ARHGEF38: variants seen among roughly 807,000 people sequenced by gnomAD.
The protein encoded by ARHGEF38 is Rho guanine nucleotide exchange factor 38, also known as Rho guanine nucleotide exchange factor (GEF) 38.
A neutral mutation model predicts 79.9 loss-of-function variants in ARHGEF38; 79 were observed. The observed-to-expected ratio is 0.99, with a 90% CI of 0.82 to 1.19. The LOEUF (loss-of-function observed/expected upper bound fraction) is 1.19. Ranked by LOEUF, ARHGEF38 falls within the 50% of genes most tolerant of loss-of-function variation. ARHGEF38 has a pLI of 0.00. For synonymous variants in ARHGEF38, 366 were observed against 328.3 expected (o/e 1.11, Z -1.24); for missense variants, 962 against 907.2 (o/e 1.06, Z -0.78).
At chr4:105,669,389 G>A (rs894488691) in intron 13 of ARHGEF38, among the ~76,000 whole-genome samples, 1 of 152,144 alleles carries the variant, frequency 6.6e-6, no homozygotes, top group Admixed American at 6.5e-5. Flanking sequence ...GAAGGGGCTT[G>A]TCCATCTATT....
At chr4:105,668,162 C>T (rs1730823183) in intron 13 of ARHGEF38, among the ~76,000 whole-genome samples, 1 of 151,854 alleles carries the variant, frequency 6.6e-6, no homozygotes, top group African/African-American at 2.4e-5. Flanking sequence ...ATACCACACA[C>T]TATATATGGA....
chr4:105,613,903 T>G (rs1728407693), intron 3 of ARHGEF38, among the ~76,000 whole-genome samples: 1 of 152,154 alleles, frequency 6.6e-6, no homozygotes. Flanking sequence ...ATCAATTTTT[T>G]TAGATTATAA....
chr4:105,675,700 A>G (rs1368991683), intron 13 of ARHGEF38, among the ~76,000 whole-genome samples: 1 of 152,164 alleles, frequency 6.6e-6, no homozygotes, highest in Non-Finnish European at 1.5e-5. Context: ...AACAACAGAA[A>G]TTTATTTCTC....
chr4:105,620,535 T>C (rs1187702967), intron 3 of ARHGEF38, among the ~76,000 whole-genome samples: 1 of 152,214 alleles, frequency 6.6e-6, no homozygotes, highest in African/African-American at 2.4e-5. Flanking sequence ...TTAAAATGCC[T>C]GATTTTTTCT....
At position 105,677,404 on chromosome 4, in the gene ARHGEF38, G is replaced by A. The variant is rs543094611; in HGVS notation, c.2149-348G>A. ...ATGGGTAATCCAGTAACATTGTTAT[G>A]CAAAAATTTCTGCCGATGTTTCTGT... On this transcript the variant is annotated intron_variant, in intron 13 of 13. Coordinates refer to ENST00000420470, the MANE Select transcript of ARHGEF38 (RefSeq NM_001242729.2). Among the ~76,000 whole-genome samples the A allele has an allele frequency of 2.6e-5, 4 of 152,220 alleles. No individual in the cohort carries two copies. In the East Asian group the frequency reaches 7.7e-4, roughly 29 times the overall value.
At chr4:105,649,884 C>T (rs1374602828) in intron 7 of ARHGEF38, among the ~76,000 whole-genome samples, 2 of 152,182 alleles carry the variant, frequency 1.3e-5, no homozygotes, top group Non-Finnish European at 2.9e-5. Flanking sequence ...TGAAGTTATC[C>T]AAACCTGGGT....
rs1376595483 is a variant in ARHGEF38, at chr4:105,679,753, T to C, written c.*1816T>C. ...CACATGTCTTAGTTGACCTTTCTCT[T>C]GGTTGATAAAAACATATACAAACCC... On this transcript the variant is annotated 3_prime_UTR_variant, in exon 14 of 14. Transcript: ENST00000420470. The C allele has an allele frequency of 5.6e-6, 5 of 889,986 alleles. No individual in the cohort carries two copies. The highest frequency in any genetic ancestry group is 9.5e-6 in the Non-Finnish European group (5 of 528,116). The allele number at this position is 889,986 out of a possible 1,614,324, so 55.1% of individuals were successfully genotyped here.
At chr4:105,676,180 T>C (rs543879603) in intron 13 of ARHGEF38, among the ~76,000 whole-genome samples, 10 of 152,378 alleles carry the variant, frequency 6.6e-5, no homozygotes, top group African/African-American at 2.4e-4. Context: ...AGTCATCTTA[T>C]TTCTCATAGT....
intron 10 of ARHGEF38, among the ~76,000 whole-genome samples, chr4:105,663,128 C>A (rs1041663499): frequency 2.6e-5 from 4 of 152,104 alleles, no homozygotes; most frequent in African/African-American, 9.7e-5. Flanking sequence ...CCAATGGTAA[C>A]ACATCTTGCA....
At chr4:105,631,738 A>G (rs1332401988) in intron 4 of ARHGEF38, 1 of 859,070 alleles carries the variant, frequency 1.2e-6, no homozygotes, top group Non-Finnish European at 1.4e-6. Context: ...ATATGTATAA[A>G]TGTGGGTATG....
chr4:105,601,818 T>C (rs1483803920), intron 2 of ARHGEF38, among the ~76,000 whole-genome samples: 1 of 152,188 alleles, frequency 6.6e-6, no homozygotes, highest in Non-Finnish European at 1.5e-5. Context: ...GCATTGCCAG[T>C]GCTGCAGCCT....
At chr4:105,626,693 A>G (rs756027537) in intron 3 of ARHGEF38, among the ~76,000 whole-genome samples, 1 of 152,128 alleles carries the variant, frequency 6.6e-6, no homozygotes, top group Non-Finnish European at 1.5e-5. Flanking sequence ...TCCATCTTTC[A>G]TACGAATAAC....
Position 105,655,622 on chromosome 4 carries a change from T to C in ARHGEF38, c.1133T>C (p.Leu378Pro), listed in dbSNP as rs1199213089. The C allele has an allele frequency of 1.6e-5, 24 of 1,535,848 alleles. No homozygotes were observed. Among genetic ancestry groups the C allele is most frequent in the Admixed American group, 3.9e-5 (2 of 50,948 alleles). The change falls in exon 9 of 14, where the codon CTG becomes CCG. Residue 378 changes from leucine to proline, a missense_variant. By Grantham distance (98) the Leu-to-Pro change is moderately conservative. Transcript: ENST00000420470. ...TTTCAGGATGCCATGCCCCTGGCTC[T>C]GCAGAGTGTGATGGACCTTCAGGAG... ...QHIQDAMPLA[L>P]QSVMDLQEIS... is the part of the protein sequence containing the mutation.
chr4:105,631,673 C>T (rs1729200265), intron 4 of ARHGEF38: 1 of 978,984 alleles, frequency 1.0e-6, no homozygotes, highest in South Asian at 4.7e-5. Context: ...AAACCCCTTG[C>T]TATTTCACTA....
intron 3 of ARHGEF38, among the ~76,000 whole-genome samples, chr4:105,618,683 C>A (rs980240980): frequency 2.0e-5 from 3 of 152,172 alleles, no homozygotes; most frequent in Non-Finnish European, 2.9e-5. Context: ...CCACAGTCAA[C>A]TATTGCAGAC....
At chr4:105,557,233 A>G (rs1256227050) in intron 1 of ARHGEF38, among the ~76,000 whole-genome samples, 2 of 151,888 alleles carry the variant, frequency 1.3e-5, no homozygotes, top group South Asian at 2.1e-4. Flanking sequence ...ATATGTGTGT[A>G]TATATATATA....
intron 3 of ARHGEF38, among the ~76,000 whole-genome samples, chr4:105,619,341 T>C (rs1038010254): frequency 6.6e-6 from 1 of 151,752 alleles, no homozygotes; most frequent in African/African-American, 2.4e-5. Flanking sequence ...GAGAGTAAGG[T>C]CCTTGTCAGC....
intron 1 of ARHGEF38, among the ~76,000 whole-genome samples, chr4:105,559,132 T>G (rs1725395124): frequency 6.6e-6 from 1 of 152,144 alleles, no homozygotes; most frequent in South Asian, 2.1e-4. Context: ...TGAATATTGA[T>G]TTCCTGATAA....
chr4:105,662,361 G>C (rs1730593879), intron 10 of ARHGEF38, among the ~76,000 whole-genome samples: 1 of 151,862 alleles, frequency 6.6e-6, no homozygotes, highest in Non-Finnish European at 1.5e-5. Flanking sequence ...CTTTGTCTTT[G>C]ACTTCACTTG....
Sources: gnomAD v4.1 joint callset for allele counts (sites outside exome capture counted in the v4.1 genomes callset) on GRCh38, gnomAD v4.1.1 for gene constraint, MANE v1.5 for transcripts, NCBI Gene and HGNC (gene_info 2026-07-23, HGNC 2026-07-21) for gene names.